Variants in KLF12 observed in about 807,000 individuals in gnomAD.
KLF12 encodes the protein KLF transcription factor 12.
In KLF12, 9 loss-of-function variants were observed where a neutral mutation model predicts 37.8. That is an observed-to-expected ratio of 0.24 (90% CI 0.14 to 0.42). The LOEUF is 0.42. Among genes scored for constraint, KLF12 ranks in the 10% least tolerant of loss-of-function variants. The pLI, the probability that KLF12 is intolerant of heterozygous loss-of-function variation, is 1.00. For synonymous variants in KLF12, 208 were observed against 202.1 expected (o/e 1.03, Z -0.25); for missense variants, 411 against 516.0 (o/e 0.80, Z 1.97).
At chr13:74,214,802 A>AT in the KLF12 span, among the ~76,000 whole-genome samples, 105 of 148,718 alleles carry the variant, frequency 7.1e-4, no homozygotes, top group African/African-American at 2.2e-3. Context: ...TCCTTTAACC[A>AT]TTTTTTTTTT....
At chr13:73,995,085 A>G in intron 1 of KLF12, 32 bp from the exon 2 acceptor site, 13 of 1,459,902 alleles carry the variant, frequency 8.9e-6, no homozygotes, top group Non-Finnish European at 1.2e-5. Flanking sequence ...AAATGATGAG[A>G]GAAAGTTCTA....
intron 5 of KLF12, among the ~76,000 whole-genome samples, chr13:73,788,064 T>C: frequency 6.6e-6 from 1 of 152,192 alleles, no homozygotes; most frequent in Non-Finnish European, 1.5e-5. Context: ...AGGGTTCTCT[T>C]ATAATATAAA....
chr13:74,290,738 T>C, the KLF12 span, among the ~76,000 whole-genome samples: 2 of 152,254 alleles, frequency 1.3e-5, no homozygotes, highest in Admixed American at 6.5e-5. Context: ...TTTCAGCTTC[T>C]GCACTTCAAC....
chr13:74,064,755 T>A (rs532058198), intron 1 of KLF12, among the ~76,000 whole-genome samples: 10 of 152,298 alleles, frequency 6.6e-5, no homozygotes, highest in Non-Finnish European at 1.5e-4. Context: ...ACCATCAAAT[T>A]TTAGACCATA....
intron 1 of KLF12, among the ~76,000 whole-genome samples, chr13:74,067,243 T>C (rs1255441333): frequency 2.0e-5 from 3 of 152,164 alleles, no homozygotes; most frequent in Non-Finnish European, 4.4e-5. Flanking sequence ...AGCATGTACA[T>C]CAGATGAAAA....
At chr13:74,267,130 T>G in the KLF12 span, among the ~76,000 whole-genome samples, 1 of 152,192 alleles carries the variant, frequency 6.6e-6, no homozygotes, top group Non-Finnish European at 1.5e-5. Context: ...TAGTGAAAAC[T>G]ACTGTGTTGG....
intron 3 of KLF12, among the ~76,000 whole-genome samples, chr13:73,878,222 A>G (rs1886810017): frequency 6.6e-6 from 1 of 152,168 alleles, no homozygotes; most frequent in African/African-American, 2.4e-5. Flanking sequence ...TAATTAAATT[A>G]TCTATTCCAC....
At chr13:73,793,537 AAGAGTTAATAAG>A (rs1881804588) in intron 5 of KLF12, among the ~76,000 whole-genome samples, 1 of 152,232 alleles carries the variant, frequency 6.6e-6, no homozygotes. Context: ...AGGCCACAAT[AAGAGTTAATAAG>A]CTTGGAGCTA....
At chr13:74,050,811 AACATTC>A (rs1872868166) in intron 1 of KLF12, among the ~76,000 whole-genome samples, 1 of 152,248 alleles carries the variant, frequency 6.6e-6, no homozygotes, top group South Asian at 2.1e-4. Context: ...ATATCTGCTA[AACATTC>A]ATTTGATAAG....
chr13:73,715,241 C>A, intron 7 of KLF12, 127 bp downstream of exon 7: 1 of 665,936 alleles, frequency 1.5e-6, no homozygotes, highest in Non-Finnish European at 2.5e-6. Context: ...ATACATTCCG[C>A]CTAGAAGGAG....
At chr13:74,060,974 C>G (rs1430431320) in intron 1 of KLF12, among the ~76,000 whole-genome samples, 1 of 152,112 alleles carries the variant, frequency 6.6e-6, no homozygotes, top group Admixed American at 6.5e-5. Context: ...GGAATAGTAC[C>G]ATCTCATGGG....
intron 1 of KLF12, among the ~76,000 whole-genome samples, chr13:74,101,442 T>C (rs1876338227): frequency 6.6e-6 from 1 of 152,080 alleles, no homozygotes; most frequent in African/African-American, 2.4e-5. Flanking sequence ...CACATAGACA[T>C]ACACATATTT....
chr13:73,995,006 T>A lies in KLF12; in HGVS notation c.17A>T (p.Lys6Met). The A allele has an allele frequency of 6.2e-7, 1 of 1,604,890 alleles. No individual in the cohort carries two copies. The highest frequency in any genetic ancestry group is 8.5e-7 in the Non-Finnish European group (1 of 1,172,908). Residue 6 changes from lysine (K) to methionine (M), a missense_variant, in exon 2 of 8, where the codon AAG (lysine) becomes ATG (methionine). Lys to Met is a moderately conservative substitution (Grantham distance 95). Transcript: ENST00000377669. ...CTAACCAACCTTTATTGTTTTTCTC[T>A]TCATATGGATATTCATTCATCCATT...
chr13:73,922,622 G>A (rs887693013), intron 3 of KLF12, among the ~76,000 whole-genome samples: 3 of 152,126 alleles, frequency 2.0e-5, no homozygotes, highest in Admixed American at 1.3e-4. Flanking sequence ...ATAATGGAAT[G>A]AGAATTCTCT....
At chr13:73,860,307 CA>C (rs1885852120) in intron 3 of KLF12, among the ~76,000 whole-genome samples, 1 of 152,152 alleles carries the variant, frequency 6.6e-6, no homozygotes, top group Non-Finnish European at 1.5e-5. Context: ...ATGGGCCCAC[CA>C]AAGATATCAT....
intron 2 of KLF12, among the ~76,000 whole-genome samples, chr13:73,988,388 T>C (rs1359974020): frequency 1.3e-5 from 2 of 152,208 alleles, no homozygotes; most frequent in Non-Finnish European, 2.9e-5. Flanking sequence ...TAGAAACTTA[T>C]CTGCCCATCT....
At position 74,133,771 on chromosome 13, in the gene KLF12, T is replaced by A. The variant is rs1380587583; in HGVS notation, c.-64A>T. Among the ~76,000 whole-genome samples, 1 of 151,460 alleles carries A rather than the reference T, an allele frequency of 6.6e-6. No individual in the cohort carries two copies. The highest frequency in any genetic ancestry group is 1.5e-5 in the Non-Finnish European group (1 of 67,870). On this transcript the variant is annotated 5_prime_UTR_variant, in exon 1 of 8. Coordinates refer to ENST00000377669, the MANE Select transcript of KLF12 (RefSeq NM_007249.5). ...GAAGCTGCAGAGCAGGAGAAATTGT[T>A]TTCTTTCCCTCACACAGAGTCCCCC...
chr13:74,187,794 A>G, the KLF12 span, among the ~76,000 whole-genome samples: 8,948 of 152,166 alleles, frequency 0.059, 807 homozygotes, highest in African/African-American at 0.2. Context: ...AGCTGTTTGA[A>G]CACTGTCTGA....
At chr13:74,200,193 G>A in the KLF12 span, among the ~76,000 whole-genome samples, 19 of 152,056 alleles carry the variant, frequency 1.2e-4, no homozygotes, top group East Asian at 1.2e-3. Flanking sequence ...CTTGCTCAGG[G>A]GGGGGGTTTC....
Sources: gnomAD v4.1 joint callset for allele counts (sites outside exome capture counted in the v4.1 genomes callset) on GRCh38, gnomAD v4.1.1 for gene constraint, MANE v1.5 for transcripts, NCBI Gene and HGNC (gene_info 2026-07-23, HGNC 2026-07-21) for gene names.